The following DGKB variants were observed in gnomAD, a reference collection of about 807,000 sequenced individuals.
The protein encoded by DGKB is 90 kDa diacylglycerol kinase.
A neutral mutation model predicts 114.3 loss-of-function variants in DGKB; 67 were observed. The observed-to-expected ratio is 0.59, with a 90% CI of 0.48 to 0.72. The LOEUF is 0.72. Ranked by LOEUF, DGKB falls within the 30% of genes least tolerant of loss-of-function variation. DGKB has a pLI of 0.00. For missense variants in DGKB, 907 were observed against 975.2 expected, an observed-to-expected ratio of 0.93 and a Z score of 0.93; for synonymous variants, 398 against 323.1, an observed-to-expected ratio of 1.23 and a Z score of -2.49.
At chr7:14,773,342 A>G (rs1231766252) in intron 2 of DGKB, among the ~76,000 whole-genome samples, 1 of 152,112 alleles carries the variant, frequency 6.6e-6, no homozygotes, top group Non-Finnish European at 1.5e-5. Context: ...CCTACTAAAA[A>G]TAACAGCATA....
At chr7:14,243,518 G>A (rs1264932699) in intron 23 of DGKB, among the ~76,000 whole-genome samples, 1 of 152,158 alleles carries the variant, frequency 6.6e-6, no homozygotes, top group Admixed American at 6.5e-5. Context: ...GTAATGTGTT[G>A]CATCCACCTA....
intron 1 of DGKB, among the ~76,000 whole-genome samples, chr7:14,928,464 G>C (rs983888385): frequency 6.6e-6 from 1 of 151,674 alleles, no homozygotes; most frequent in Admixed American, 6.6e-5. Flanking sequence ...GAATTTCTCT[G>C]TTCTTTCACA....
chr7:14,326,356 C>G (rs1562941875), intron 23 of DGKB, among the ~76,000 whole-genome samples: 1 of 151,512 alleles, frequency 6.6e-6, no homozygotes, highest in Non-Finnish European at 1.5e-5. Flanking sequence ...GATTGAAAAC[C>G]AAAAAAATGA....
intron 20 of DGKB, among the ~76,000 whole-genome samples, chr7:14,485,300 GGTGTGTGT>G (rs60976022): frequency 3.5e-5 from 5 of 141,988 alleles, no homozygotes; most frequent in South Asian, 4.6e-4. Flanking sequence ...ATGCTCATGA[GGTGTGTGT>G]GTGTGTGTGT....
chr7:14,902,109 T>C (rs1360664172), intron 1 of DGKB, among the ~76,000 whole-genome samples: 1 of 152,114 alleles, frequency 6.6e-6, no homozygotes, highest in Non-Finnish European at 1.5e-5. Context: ...CTTCACGTTT[T>C]ATTTTAATTT....
intron 23 of DGKB, among the ~76,000 whole-genome samples, chr7:14,277,312 A>C (rs1799171081): frequency 6.6e-6 from 1 of 151,938 alleles, no homozygotes; most frequent in African/African-American, 2.4e-5. Flanking sequence ...CTGGAATTAC[A>C]GGTGCATGCC....
At chr7:14,927,732 C>G (rs888621511) in intron 1 of DGKB, among the ~76,000 whole-genome samples, 1 of 151,846 alleles carries the variant, frequency 6.6e-6, no homozygotes, top group Non-Finnish European at 1.5e-5. Context: ...AGAAAAATAT[C>G]AGAGAATGAA....
At chr7:14,314,671 G>C (rs1247357866) in intron 23 of DGKB, among the ~76,000 whole-genome samples, 1 of 152,104 alleles carries the variant, frequency 6.6e-6, no homozygotes, top group Non-Finnish European at 1.5e-5. Flanking sequence ...GTACCTGAAA[G>C]TGATGGGGAG....
At chr7:14,276,876 A>C (rs1799087465) in intron 23 of DGKB, among the ~76,000 whole-genome samples, 1 of 151,914 alleles carries the variant, frequency 6.6e-6, no homozygotes, top group East Asian at 1.9e-4. Context: ...TATTCTTTTT[A>C]AAGAAAAATT....
chr7:14,836,652 A>T lies in DGKB; in HGVS notation c.70+4542T>A, dbSNP rs116518961. ...ATAACAACAGTTTGGATGACTTTAT[A>T]TCAAGAGTGAGGAAGAAAATTATAC... On this transcript the variant is annotated intron_variant, in intron 2 of 25. Transcript: ENST00000402815. Among the ~76,000 whole-genome samples the T allele has an allele frequency of 9.4e-3, 1,437 of 152,318 alleles. 20 individuals carry two copies. The highest frequency in any genetic ancestry group is 0.033 in the African/African-American group (1,379 of 41,574).
At chr7:14,213,124 C>T (rs766888862) in intron 23 of DGKB, among the ~76,000 whole-genome samples, 1 of 151,982 alleles carries the variant, frequency 6.6e-6, no homozygotes, top group African/African-American at 2.4e-5. Flanking sequence ...AAAATGGTAA[C>T]ACATTCTAAA....
chr7:14,648,648 T>C (rs1813710704), intron 13 of DGKB, among the ~76,000 whole-genome samples: 1 of 152,070 alleles, frequency 6.6e-6, no homozygotes, highest in Non-Finnish European at 1.5e-5. Flanking sequence ...GGATGGAGAA[T>C]GACTTTGACG....
At chr7:14,539,585 G>C (rs1793083726) in intron 20 of DGKB, among the ~76,000 whole-genome samples, 1 of 152,026 alleles carries the variant, frequency 6.6e-6, no homozygotes, top group Admixed American at 6.6e-5. Flanking sequence ...AGTTAAGCAA[G>C]GGTTTTTAAA....
intron 1 of DGKB, among the ~76,000 whole-genome samples, chr7:14,898,860 G>A (rs1782532608): frequency 6.6e-6 from 1 of 152,026 alleles, no homozygotes; most frequent in South Asian, 2.1e-4. Flanking sequence ...TATAGTGATC[G>A]GCATATTGCC....
At chr7:14,633,187 G>T (rs1810074467) in intron 13 of DGKB, among the ~76,000 whole-genome samples, 1 of 151,844 alleles carries the variant, frequency 6.6e-6, no homozygotes, top group Non-Finnish European at 1.5e-5. Flanking sequence ...GGTTGGCAGA[G>T]AGGTGGTACA....
At chr7:14,454,102 G>A (rs1584059865) in intron 21 of DGKB, among the ~76,000 whole-genome samples, 1 of 151,938 alleles carries the variant, frequency 6.6e-6, no homozygotes, top group Non-Finnish European at 1.5e-5. Context: ...CAGCCTAATT[G>A]GAATATCCAT....
At chr7:14,527,308 T>C (rs1413992911) in intron 20 of DGKB, among the ~76,000 whole-genome samples, 1 of 152,136 alleles carries the variant, frequency 6.6e-6, no homozygotes, top group Non-Finnish European at 1.5e-5. Flanking sequence ...CAGAACAGAA[T>C]TGGGAATTTA....
intron 23 of DGKB, among the ~76,000 whole-genome samples, chr7:14,260,977 T>G (rs1305970956): frequency 6.6e-6 from 1 of 152,178 alleles, no homozygotes; most frequent in Non-Finnish European, 1.5e-5. Flanking sequence ...ACGCCTGAGA[T>G]TTTATTCACT....
intron 20 of DGKB, among the ~76,000 whole-genome samples, chr7:14,494,119 A>T (rs1784971420): frequency 3.3e-5 from 5 of 152,028 alleles, no homozygotes; most frequent in Admixed American, 3.3e-4. Flanking sequence ...AAGGTTTAAA[A>T]TATATGAAAA....
Sources: gnomAD v4.1 joint callset for allele counts (sites outside exome capture counted in the v4.1 genomes callset) on GRCh38, gnomAD v4.1.1 for gene constraint, MANE v1.5 for transcripts, NCBI Gene and HGNC (gene_info 2026-07-23, HGNC 2026-07-21) for gene names.